Variants in KCND2 observed in about 807,000 individuals in gnomAD.
KCND2 encodes A-type voltage-gated potassium channel KCND2.
In KCND2, 16 loss-of-function variants were observed where a neutral mutation model predicts 54.4. The ratio of observed to expected loss-of-function variants is 0.29; its 90% CI spans 0.20 to 0.45. The LOEUF (loss-of-function observed/expected upper bound fraction) is 0.45. KCND2 is among the 20% of genes least tolerant of loss of function. The pLI is 1.00. For synonymous variants in KCND2, 317 were observed against 310.7 expected (o/e 1.02, Z -0.21); for missense variants, 486 against 824.2 (o/e 0.59, Z 5.02).
At chr7:120,579,255 T>C (rs1483986375) in intron 1 of KCND2, among the ~76,000 whole-genome samples, 3 of 152,228 alleles carry the variant, frequency 2.0e-5, no homozygotes, top group Middle Eastern at 3.4e-3. Flanking sequence ...ACTTTTTGAC[T>C]ATACTATTAT....
intron 1 of KCND2, among the ~76,000 whole-genome samples, chr7:120,619,361 G>A (rs779256344): frequency 2.0e-5 from 3 of 152,166 alleles, no homozygotes; most frequent in Non-Finnish European, 2.9e-5. Flanking sequence ...GCAGTGAGCC[G>A]AGATTGTGCC....
At chr7:120,606,707 C>T (rs563632679) in intron 1 of KCND2, among the ~76,000 whole-genome samples, 16 of 151,836 alleles carry the variant, frequency 1.1e-4, no homozygotes, top group Non-Finnish European at 1.9e-4. Context: ...ACTTTTAATC[C>T]TATTTCATTG....
At chr7:120,320,175 T>G (rs1799873931) in intron 1 of KCND2, among the ~76,000 whole-genome samples, 1 of 152,036 alleles carries the variant, frequency 6.6e-6, no homozygotes, top group African/African-American at 2.4e-5. Flanking sequence ...ACACAGAAAT[T>G]GTGTAGGGAA....
chr7:120,462,448 C>T (rs1189977403), intron 1 of KCND2, among the ~76,000 whole-genome samples: 7 of 151,958 alleles, frequency 4.6e-5, no homozygotes, highest in Admixed American at 3.9e-4. Context: ...AGTAAATTTA[C>T]AGGTAACAGT....
rs149432289 is a variant in KCND2, at chr7:120,680,392, A to G, written c.1116-52511A>G. Among the ~76,000 whole-genome samples, 105 of 152,254 alleles carry G rather than the reference A, an allele frequency of 6.9e-4. 1 individual carries two copies. The East Asian group carries it at 0.018, about 26-fold the overall frequency. On this transcript the variant is annotated intron_variant, in intron 1 of 5. Coordinates refer to ENST00000331113, the MANE Select transcript of KCND2 (RefSeq NM_012281.3). ...ATGCACATGTGATATTCGTGATACC[A>G]GACTGTGAACCCCATGAGGGCAACA...
At chr7:120,598,270 A>C (rs1036146232) in intron 1 of KCND2, among the ~76,000 whole-genome samples, 7 of 152,116 alleles carry the variant, frequency 4.6e-5, no homozygotes, top group Non-Finnish European at 8.8e-5. Flanking sequence ...TAATCCTACA[A>C]GGTAGTTCCT....
chr7:120,563,763 A>G (rs1289188334), intron 1 of KCND2, among the ~76,000 whole-genome samples: 2 of 152,068 alleles, frequency 1.3e-5, no homozygotes, highest in Non-Finnish European at 2.9e-5. Context: ...GTAATACCCT[A>G]TCCCCATCTT....
intron 1 of KCND2, among the ~76,000 whole-genome samples, chr7:120,543,370 A>G (rs773533892): frequency 6.1e-4 from 92 of 151,790 alleles, no homozygotes; most frequent in African/African-American, 2.0e-3. Flanking sequence ...CGATTTTCCA[A>G]TTAGGACTAA....
intron 1 of KCND2, among the ~76,000 whole-genome samples, chr7:120,705,624 G>A: frequency 6.6e-6 from 1 of 152,132 alleles, no homozygotes; most frequent in East Asian, 1.9e-4. Context: ...ATGTTTTCCA[G>A]AGTCCTCCAA....
intron 1 of KCND2, among the ~76,000 whole-genome samples, chr7:120,474,378 C>T (rs958632187): frequency 1.6e-4 from 25 of 152,064 alleles, no homozygotes; most frequent in Admixed American, 2.6e-4. Context: ...GCTCTTGTGG[C>T]CCAGGCTGGA....
chr7:120,703,734 G>A (rs931936978), intron 1 of KCND2, among the ~76,000 whole-genome samples: 1 of 152,172 alleles, frequency 6.6e-6, no homozygotes, highest in African/African-American at 2.4e-5. Context: ...CATTGCAGGT[G>A]ACACTGGCCA....
At chr7:120,591,274 G>A in intron 1 of KCND2, among the ~76,000 whole-genome samples, 1 of 152,178 alleles carries the variant, frequency 6.6e-6, no homozygotes, top group East Asian at 1.9e-4. Context: ...TACATTCATA[G>A]TTTGCTGTAT....
intron 1 of KCND2, among the ~76,000 whole-genome samples, chr7:120,333,210 G>T (rs191837244): frequency 3.9e-5 from 6 of 152,056 alleles, no homozygotes; most frequent in Admixed American, 1.3e-4. Context: ...TATAAAGGGG[G>T]TTCAAGTTAT....
intron 1 of KCND2, among the ~76,000 whole-genome samples, chr7:120,527,562 T>C (rs1366067338): frequency 6.6e-6 from 1 of 152,142 alleles, no homozygotes; most frequent in Non-Finnish European, 1.5e-5. Flanking sequence ...TTGTTTTTCC[T>C]AAATGCCCAA....
chr7:120,530,304 T>C (rs1791827594), intron 1 of KCND2, among the ~76,000 whole-genome samples: 1 of 152,144 alleles, frequency 6.6e-6, no homozygotes, highest in South Asian at 2.1e-4. Flanking sequence ...GTACCTATTA[T>C]GTACACACAA....
At chr7:120,383,657 A>G (rs62471541) in intron 1 of KCND2, among the ~76,000 whole-genome samples, 15,515 of 152,088 alleles carry the variant, frequency 0.1, 822 homozygotes, top group Admixed American at 0.13. Context: ...CAATGTGTAC[A>G]TACATGTAAC....
chr7:120,634,467 A>G (rs1793279139), intron 1 of KCND2, among the ~76,000 whole-genome samples: 1 of 151,970 alleles, frequency 6.6e-6, no homozygotes, highest in Non-Finnish European at 1.5e-5. Flanking sequence ...CTAGCACAGG[A>G]ACTGGTACCG....
At chr7:120,667,570 A>C (rs867284910) in intron 1 of KCND2, among the ~76,000 whole-genome samples, 1 of 152,040 alleles carries the variant, frequency 6.6e-6, no homozygotes, top group Non-Finnish European at 1.5e-5. Context: ...CACCAGGTTG[A>C]GTGAGATTAA....
At chr7:120,534,294 A>G (rs754639293) in intron 1 of KCND2, among the ~76,000 whole-genome samples, 84 of 152,254 alleles carry the variant, frequency 5.5e-4, no homozygotes, top group Non-Finnish European at 2.1e-4. Flanking sequence ...GTACCATTGC[A>G]TGATGTAATA....
Sources: gnomAD v4.1 joint callset for allele counts (sites outside exome capture counted in the v4.1 genomes callset) on GRCh38, gnomAD v4.1.1 for gene constraint, MANE v1.5 for transcripts, NCBI Gene and HGNC (gene_info 2026-07-23, HGNC 2026-07-21) for gene names.